WDR5: variants seen among roughly 807,000 people sequenced by gnomAD.
WDR5 encodes WD repeat domain 5.
For synonymous variants in WDR5, 144 were observed against 161.6 expected, an observed-to-expected ratio of 0.89 and a Z score of 0.83; for missense variants, 187 against 416.9, an observed-to-expected ratio of 0.45 and a Z score of 4.80.
chr9:134,154,632 G>A, intron 10 of WDR5, 91 bp downstream of exon 10: 1 of 1,445,486 alleles, frequency 6.9e-7, no homozygotes, highest in Non-Finnish European at 9.6e-7. Flanking sequence ...AGAGCGTGTT[G>A]TGGGCTTGGC....
At chr9:134,137,026 G>A (rs1831598650) in intron 1 of WDR5, among the ~76,000 whole-genome samples, 1 of 152,194 alleles carries the variant, frequency 6.6e-6, no homozygotes, top group South Asian at 2.1e-4. Context: ...CTGTTGGGCC[G>A]GCCACCCGGC....
intron 8 of WDR5, among the ~76,000 whole-genome samples, chr9:134,149,821 CAGCGGGAGGA>C (rs1276651816): frequency 6.6e-6 from 1 of 152,168 alleles, no homozygotes; most frequent in Non-Finnish European, 1.5e-5. Context: ...GGAAGCACCG[CAGCGGGAGGA>C]AGCGGGAGTC....
chr9:134,149,820 G>A (rs964390973), intron 8 of WDR5, among the ~76,000 whole-genome samples: 11 of 152,196 alleles, frequency 7.2e-5, no homozygotes, highest in Admixed American at 3.3e-4. Context: ...TGGAAGCACC[G>A]CAGCGGGAGG....
At chr9:134,148,511 G>T (rs1832327703) in intron 8 of WDR5, among the ~76,000 whole-genome samples, 168 bp downstream of exon 8, 1 of 152,128 alleles carries the variant, frequency 6.6e-6, no homozygotes, top group Admixed American at 6.5e-5. Context: ...AGGCAGTGCA[G>T]TTTCGGGGTT....
At chr9:134,154,637 C>A in intron 10 of WDR5, 96 bp downstream of exon 10, 1 of 1,388,286 alleles carries the variant, frequency 7.2e-7, no homozygotes, top group Non-Finnish European at 1.0e-6. Context: ...GTGTTGTGGG[C>A]TTGGCACGGG....
intron 10 of WDR5, 33 bp downstream of exon 10, chr9:134,154,574 T>C (rs146934609): frequency 0.012 from 19,255 of 1,608,708 alleles, 138 homozygotes; most frequent in Non-Finnish European, 0.015. Flanking sequence ...GGGGCGGGCA[T>C]GTGGCCTCCC....
Position 134,157,755 on chromosome 9 carries a change from G to A in WDR5, c.905-138G>A. ...GCTCCCTGTGTCGAAGGTGGGCAGT[G>A]GGTGCTTGTCCTGTGACCTCCCAGG... On this transcript the variant is annotated intron_variant, in intron 13 of 13. Transcript: ENST00000358625. This position sits in a 1 kb window ranked among gnomAD's most constrained non-coding sequence, Gnocchi z 5.0. The A allele has an allele frequency of 2.8e-6, 2 of 705,634 alleles. No homozygotes were observed. Among genetic ancestry groups the A allele is most frequent in the Non-Finnish European group, 4.8e-6 (2 of 416,918 alleles). 43.7% of individuals were successfully genotyped at this position (705,634 alleles called of 1,614,324 possible).
intron 3 of WDR5, 72 bp from the exon 4 acceptor site, chr9:134,141,438 C>G (rs1831883031): frequency 6.6e-7 from 1 of 1,515,610 alleles, no homozygotes; most frequent in Admixed American, 1.7e-5. Context: ...GGGAAAAGCT[C>G]AGACTTTGGA....
chr9:134,141,033 C>T (rs1399960991), intron 3 of WDR5, among the ~76,000 whole-genome samples: 1 of 152,096 alleles, frequency 6.6e-6, no homozygotes, highest in Non-Finnish European at 1.5e-5. Flanking sequence ...CCTGTAATCT[C>T]AGCACTTTGG....
chr9:134,137,278 A>G (rs1831611905), intron 1 of WDR5, among the ~76,000 whole-genome samples: 3 of 151,722 alleles, frequency 2.0e-5, no homozygotes, highest in Non-Finnish European at 1.5e-5. Context: ...GGGGCCGCCA[A>G]TTCATCACCG....
chr9:134,152,047 TG>T lies in WDR5; in HGVS notation c.631+23del. On this transcript the variant is annotated intron_variant, in intron 9 of 13. Coordinates refer to ENST00000358625, the MANE Select transcript of WDR5 (RefSeq NM_017588.3). ...GCTCATCGGTGAGTGTGGCTCTGTG[TG>T]GGGGCTGGGTCTGTGGGGAGGGCCT... is the stretch of plus-strand genomic sequence containing the variant. The T allele has an allele frequency of 6.2e-7, 1 of 1,613,138 alleles. No individual in the cohort carries two copies. Among genetic ancestry groups the T allele is most frequent in the Non-Finnish European group, 8.5e-7 (1 of 1,179,584 alleles).
chr9:134,139,739 C>G (rs1218752014), intron 1 of WDR5, 81 bp from the exon 2 acceptor site: 1 of 909,214 alleles, frequency 1.1e-6, no homozygotes, highest in Non-Finnish European at 1.7e-6. Context: ...AAATGTTTTT[C>G]TTTTCATCCT....
chr9:134,152,042 C>T lies in WDR5; in HGVS notation c.631+13C>T. 6.2e-7 allele frequency: 1 copy of T among 1,613,634 alleles called. No homozygotes were observed. The highest frequency in any genetic ancestry group is 8.5e-7 in the Non-Finnish European group (1 of 1,179,814). On this transcript the variant is annotated intron_variant, in intron 9 of 13. Coordinates refer to ENST00000358625, the MANE Select transcript of WDR5 (RefSeq NM_017588.3). ...AAGACGCTCATCGGTGAGTGTGGCT[C>T]TGTGTGGGGGCTGGGTCTGTGGGGA...
At chr9:134,142,213 C>T (rs1831930601) in intron 5 of WDR5, 120 bp from the exon 6 acceptor site, 7 of 1,225,458 alleles carry the variant, frequency 5.7e-6, no homozygotes, top group South Asian at 2.7e-5. Context: ...CTTCGGGGAA[C>T]AGCAAGTCAC....
In WDR5 at chr9:134,157,253, G is replaced by A. The variant is rs763750977; in HGVS notation, c.905-640G>A. Reference sequence around the variant, plus strand: ...GGGGTCAGTGCTTACGCTCCACGGCGGGCCTGGGCCTTCCCCTGGGTCCTC... The same window carrying A: ...GGGGTCAGTGCTTACGCTCCACGGCAGGCCTGGGCCTTCCCCTGGGTCCTC... On this transcript the variant is annotated intron_variant, in intron 13 of 13. Transcript: ENST00000358625. The surrounding 1 kb of genome is among the most constrained non-coding windows in gnomAD (Gnocchi z 5.0). Among the ~76,000 whole-genome samples, 1 of 152,220 alleles carries A rather than the reference G, an allele frequency of 6.6e-6. No individual in the cohort carries two copies. The highest frequency in any genetic ancestry group is 1.5e-5 in the Non-Finnish European group (1 of 68,044).
chr9:134,154,750 A>G (rs1289413950), intron 10 of WDR5, among the ~76,000 whole-genome samples: 1 of 152,158 alleles, frequency 6.6e-6, no homozygotes. Context: ...AGGTCCGACT[A>G]TAGGAGGATT....
chr9:134,136,666 A>T (rs1016873195), intron 1 of WDR5, among the ~76,000 whole-genome samples: 1 of 152,144 alleles, frequency 6.6e-6, no homozygotes, highest in African/African-American at 2.4e-5. Context: ...GCCAGGCTGC[A>T]GCTCGCTAGG....
At chr9:134,140,919 C>A in intron 3 of WDR5, 108 bp downstream of exon 3, 1 of 1,063,800 alleles carries the variant, frequency 9.4e-7, no homozygotes, top group Non-Finnish European at 1.4e-6. Flanking sequence ...GGAGACGTAG[C>A]AGGCCGCTGG....
chr9:134,147,996 A>AAC (rs1564193008), intron 7 of WDR5, among the ~76,000 whole-genome samples: 1 of 151,764 alleles, frequency 6.6e-6, no homozygotes, highest in Admixed American at 6.6e-5. Context: ...CTCTCCTAAA[A>AAC]ATATATATAT....
Sources: allele counts gnomAD v4.1 joint callset (sites outside exome capture counted in the v4.1 genomes callset), GRCh38; gene constraint gnomAD v4.1.1; non-coding constraint Gnocchi (gnomAD v3.1); transcripts MANE v1.5; gene names NCBI Gene and HGNC (gene_info 2026-07-23, HGNC 2026-07-21).